The following CEP63 variants were observed in gnomAD, a reference collection of about 807,000 sequenced individuals.
CEP63 encodes centrosomal protein of 63 kDa.
In CEP63, 84 loss-of-function variants were observed where a neutral mutation model predicts 89.1. The observed-to-expected ratio is 0.94, with a 90% confidence interval of 0.79 to 1.13. The LOEUF is 1.13. Among genes scored for constraint, CEP63 ranks in the 50% most tolerant of loss-of-function variants. The pLI, the probability that CEP63 is intolerant of heterozygous loss-of-function variation, is 0.00. For synonymous variants in CEP63, 267 were observed against 272.5 expected (o/e 0.98, Z 0.20); for missense variants, 838 against 813.3 (o/e 1.03, Z -0.37).
the CEP63 span, chr3:134,607,437 C>CTAA: frequency 3.0e-6 from 3 of 985,604 alleles, no homozygotes; most frequent in Non-Finnish European, 1.2e-6. Flanking sequence ...GCACCCTGTG[C>CTAA]TAATAGTCAG....
In CEP63 at chr3:134,507,190, A is replaced by T; in HGVS notation, c.126A>T (p.Glu42Asp). 6.2e-7 allele frequency: 1 copy of T among 1,613,834 alleles called. No individual in the cohort carries two copies. The highest frequency in any genetic ancestry group is 1.3e-5 in the African/African-American group (1 of 75,012). Residue 42 changes from glutamate (E) to aspartate (D), a missense_variant, in exon 3 of 15, where the codon GAA becomes GAT. Coordinates refer to ENST00000675561, the MANE Select transcript of CEP63 (RefSeq NM_001353108.3). ...TAATGGTGGCTCATAAAAAATCTGA[A>T]TGGGAAGGACGTACACATGCTCTAG... is the stretch of plus-strand genomic sequence containing the variant. Reference protein sequence around the residue: ...IDIMVAHKKSEWEGRTHALET... With the variant: ...IDIMVAHKKSDWEGRTHALET...
chr3:134,646,673 ATG>A, the CEP63 span, among the ~76,000 whole-genome samples: 1 of 152,106 alleles, frequency 6.6e-6, no homozygotes, highest in East Asian at 1.9e-4. Context: ...CATTTGTGTC[ATG>A]GAGGGTGGTT....
the CEP63 span, among the ~76,000 whole-genome samples, chr3:134,664,589 T>C: frequency 1.3e-5 from 2 of 152,188 alleles, no homozygotes; most frequent in Non-Finnish European, 2.9e-5. Flanking sequence ...TGGCTCTCTA[T>C]GGCAAGGATG....
the CEP63 span, chr3:134,608,131 C>T: frequency 8.8e-7 from 1 of 1,134,502 alleles, no homozygotes; most frequent in Non-Finnish European, 1.1e-6. Context: ...GGTTGGACCA[C>T]CAACACCCAG....
the CEP63 span, among the ~76,000 whole-genome samples, chr3:134,671,503 A>G: frequency 6.6e-6 from 1 of 152,262 alleles, no homozygotes; most frequent in African/African-American, 2.4e-5. Flanking sequence ...AAATTAAAAG[A>G]AAATCTGAAG....
chr3:134,644,289 C>T, the CEP63 span, among the ~76,000 whole-genome samples: 1 of 152,222 alleles, frequency 6.6e-6, no homozygotes, highest in African/African-American at 2.4e-5. Flanking sequence ...CCCTGGGACA[C>T]AGAGTTGTCC....
At chr3:134,721,301 G>A in the CEP63 span, among the ~76,000 whole-genome samples, 1 of 152,112 alleles carries the variant, frequency 6.6e-6, no homozygotes, top group African/African-American at 2.4e-5. Context: ...ATAAAATACA[G>A]TTGATTGTAA....
chr3:134,739,327 A>G, the CEP63 span, among the ~76,000 whole-genome samples: 1 of 152,250 alleles, frequency 6.6e-6, no homozygotes, highest in Non-Finnish European at 1.5e-5. Context: ...ACACTTATGC[A>G]TCATTGCTGT....
intron 11 of CEP63, among the ~76,000 whole-genome samples, 160 bp from the exon 12 acceptor site, chr3:134,551,766 C>T (rs993743084): frequency 1.4e-4 from 20 of 140,816 alleles, no homozygotes; most frequent in Admixed American, 1.2e-3. Context: ...CACACACACA[C>T]GTACATATAT....
At chr3:134,529,552 G>A (rs1292135545) in intron 3 of CEP63, among the ~76,000 whole-genome samples, 1 of 152,082 alleles carries the variant, frequency 6.6e-6, no homozygotes, top group Non-Finnish European at 1.5e-5. Flanking sequence ...TGTTGGCCAG[G>A]CTGGTCTCAA....
At chr3:134,600,502 A>G in the CEP63 span, among the ~76,000 whole-genome samples, 1 of 152,214 alleles carries the variant, frequency 6.6e-6, no homozygotes, top group Admixed American at 6.5e-5. Context: ...TCATAATCAG[A>G]TTGAAAATGG....
chr3:134,658,510 C>G, the CEP63 span, among the ~76,000 whole-genome samples: 1 of 152,146 alleles, frequency 6.6e-6, no homozygotes, highest in East Asian at 1.9e-4. Context: ...ATTCCTGAAT[C>G]CCCCAACACT....
the CEP63 span, among the ~76,000 whole-genome samples, chr3:134,609,436 T>C: frequency 3.3e-5 from 5 of 152,160 alleles, no homozygotes; most frequent in African/African-American, 1.2e-4. Context: ...ACGCGAGCCC[T>C]GCGTGTAGGA....
the CEP63 span, among the ~76,000 whole-genome samples, chr3:134,742,098 C>T: frequency 0.05 from 7,580 of 152,070 alleles, 635 homozygotes; most frequent in African/African-American, 0.17. Flanking sequence ...AATAGGAGGC[C>T]TAGGGCATGA....
At chr3:134,679,266 A>G in the CEP63 span, among the ~76,000 whole-genome samples, 9 of 152,228 alleles carry the variant, frequency 5.9e-5, no homozygotes, top group Non-Finnish European at 1.3e-4. Context: ...ATTGAAGAGA[A>G]AACTGAATAT....
intron 3 of CEP63, among the ~76,000 whole-genome samples, chr3:134,512,435 G>A (rs1018206148): frequency 3.6e-4 from 55 of 152,308 alleles, no homozygotes; most frequent in Non-Finnish European, 7.8e-4. Context: ...CCTCTTTTCA[G>A]CTGAATGGCC....
At chr3:134,498,833 G>A (rs1941033822) in intron 2 of CEP63, among the ~76,000 whole-genome samples, 1 of 152,088 alleles carries the variant, frequency 6.6e-6, no homozygotes, top group African/African-American at 2.4e-5. Flanking sequence ...TCATTCTGTT[G>A]ATGTGATGTA....
At chr3:134,765,879 G>A in the CEP63 span, among the ~76,000 whole-genome samples, 1 of 152,178 alleles carries the variant, frequency 6.6e-6, no homozygotes, top group Non-Finnish European at 1.5e-5. Flanking sequence ...GGTAGGGCCA[G>A]AAAAGACATA....
Position 134,561,930 on chromosome 3 carries a change from T to G in CEP63, c.*395T>G, listed in dbSNP as rs1194194761. The stretch of plus-strand genomic sequence containing the variant: ...GGGGAAATGTGTAGAAGCATGGATT[T>G]AGGGGTCAAACATACCTGGATCGAT... On this transcript the variant is annotated 3_prime_UTR_variant, in exon 15 of 15. Transcript: ENST00000675561. 1.2e-5 allele frequency: 13 copies of G among 1,047,894 alleles called. No homozygotes were observed. Among genetic ancestry groups the G allele is most frequent in the Non-Finnish European group, 1.4e-5 (12 of 867,374 alleles). 64.9% of individuals were successfully genotyped at this position (1,047,894 alleles called of 1,614,324 possible).
Sources: gnomAD v4.1 joint callset for allele counts (sites outside exome capture counted in the v4.1 genomes callset) on GRCh38, gnomAD v4.1.1 for gene constraint, MANE v1.5 for transcripts, NCBI Gene and HGNC (gene_info 2026-07-23, HGNC 2026-07-21) for gene names.